The following MNAT1 variants were observed in gnomAD, a reference collection of about 807,000 sequenced individuals.
The protein encoded by MNAT1 is MNAT1 component of CDK activating kinase, also known as CDK-activating kinase assembly factor MAT1.
MNAT1 carries 43 observed loss-of-function variants against 42.0 expected under a neutral mutation model. The ratio of observed to expected loss-of-function variants is 1.02; its 90% confidence interval spans 0.80 to 1.32. The LOEUF (loss-of-function observed/expected upper bound fraction) is 1.32. Ranked by LOEUF, MNAT1 falls within the 40% of genes most tolerant of loss-of-function variation. The pLI, the probability that MNAT1 is intolerant of heterozygous loss-of-function variation, is 0.00. For synonymous variants in MNAT1, 118 were observed against 120.0 expected (o/e 0.98, Z 0.11); for missense variants, 306 against 350.4 (o/e 0.87, Z 1.01).
chr14:60,820,268 T>C (rs1056989066), intron 6 of MNAT1, among the ~76,000 whole-genome samples: 5 of 152,074 alleles, frequency 3.3e-5, no homozygotes, highest in African/African-American at 1.2e-4. Context: ...ATGATGAGTA[T>C]GCAAGAACGA....
intron 1 of MNAT1, among the ~76,000 whole-genome samples, chr14:60,762,111 C>T (rs901209742): frequency 6.6e-6 from 1 of 152,096 alleles, no homozygotes; most frequent in African/African-American, 2.4e-5. Context: ...CCTATTACAT[C>T]AATCATCTGC....
At chr14:60,749,854 G>T (rs1350225947) in intron 1 of MNAT1, among the ~76,000 whole-genome samples, 1 of 152,152 alleles carries the variant, frequency 6.6e-6, no homozygotes, top group Non-Finnish European at 1.5e-5. Context: ...GGTTTCAAAT[G>T]TGTTAAGCCT....
chr14:60,905,221 C>T (rs1308608427), intron 7 of MNAT1, among the ~76,000 whole-genome samples: 1 of 151,694 alleles, frequency 6.6e-6, no homozygotes, highest in Non-Finnish European at 1.5e-5. Flanking sequence ...GTAATAAAAC[C>T]AACAATAACA....
intron 6 of MNAT1, among the ~76,000 whole-genome samples, chr14:60,863,081 CAAAG>C (rs1392771764): frequency 1.3e-5 from 2 of 151,986 alleles, no homozygotes; most frequent in Non-Finnish European, 2.9e-5. Context: ...ACAACAACAA[CAAAG>C]AAAATGCAGT....
rs1248538971 is a variant in MNAT1, at chr14:60,869,246, G to A, written c.688-10468G>A. 2.0e-4 allele frequency among the ~76,000 whole-genome samples: 29 copies of A among 144,620 alleles called. No individual in the cohort carries two copies. In the East Asian group the frequency reaches 3.6e-3, roughly 18 times the overall value. 94.9% of individuals were successfully genotyped at this position (144,620 alleles called of 152,430 possible). ...AATAGAGACGGGGTTTCACCATGTT[G>A]CCCAGGCTGGTCTCAAACTGCTGAG... On this transcript the variant is annotated intron_variant, in intron 6 of 7. Transcript: ENST00000261245.
chr14:60,804,581 A>AGTG (rs1203509367), intron 3 of MNAT1, among the ~76,000 whole-genome samples: 3 of 152,152 alleles, frequency 2.0e-5, no homozygotes, highest in Admixed American at 2.0e-4. Flanking sequence ...GCTAAAGTGC[A>AGTG]GTGGTACTAT....
At chr14:60,950,887 G>T (rs1336750357) in intron 7 of MNAT1, among the ~76,000 whole-genome samples, 1 of 152,094 alleles carries the variant, frequency 6.6e-6, no homozygotes, top group Non-Finnish European at 1.5e-5. Context: ...TGTATTTTCT[G>T]ATTAGAAGTT....
At chr14:60,742,661 C>T (rs1261108525) in intron 1 of MNAT1, among the ~76,000 whole-genome samples, 1 of 152,162 alleles carries the variant, frequency 6.6e-6, no homozygotes, top group African/African-American at 2.4e-5. Flanking sequence ...TCAACTCCCC[C>T]CTCCCATAGC....
chr14:60,914,464 C>G (rs183563552), intron 7 of MNAT1, among the ~76,000 whole-genome samples: 1 of 152,214 alleles, frequency 6.6e-6, no homozygotes, highest in East Asian at 1.9e-4. Context: ...GCCATCTTGG[C>G]TCCCCAGCTT....
At chr14:60,905,098 C>T (rs551221331) in intron 7 of MNAT1, among the ~76,000 whole-genome samples, 2 of 149,262 alleles carry the variant, frequency 1.3e-5, no homozygotes, top group Admixed American at 1.4e-4. Flanking sequence ...TGTCGGTTAG[C>T]AAATAGTTAT....
intron 6 of MNAT1, among the ~76,000 whole-genome samples, chr14:60,820,111 A>G (rs920975777): frequency 6.6e-6 from 1 of 152,144 alleles, no homozygotes; most frequent in Admixed American, 6.6e-5. Flanking sequence ...TTTCAAAGTC[A>G]GTGTTAATGA....
intron 4 of MNAT1, chr14:60,809,040 G>A (rs992123131): frequency 1.4e-4 from 22 of 151,926 alleles, no homozygotes; most frequent in Non-Finnish European, 3.1e-4. Context: ...AATATCTCAG[G>A]AGTCATTATT....
At chr14:60,838,761 T>C (rs1369608764) in intron 6 of MNAT1, among the ~76,000 whole-genome samples, 2 of 151,800 alleles carry the variant, frequency 1.3e-5, no homozygotes, top group Admixed American at 1.3e-4. Context: ...CTCTCGGGGG[T>C]CTGGGAAGCC....
At chr14:60,809,113 CTAATT>C (rs2032465699) in intron 4 of MNAT1, 1 of 152,028 alleles carries the variant, frequency 6.6e-6, no homozygotes, top group African/African-American at 2.4e-5. Context: ...GAGCAATTGT[CTAATT>C]TATACACTTT....
intron 1 of MNAT1, among the ~76,000 whole-genome samples, chr14:60,791,732 C>A (rs1270046350): frequency 6.6e-6 from 1 of 152,024 alleles, no homozygotes. Flanking sequence ...AGATTGTATA[C>A]CCCTTCTATC....
intron 6 of MNAT1, among the ~76,000 whole-genome samples, chr14:60,860,589 G>A (rs543812640): frequency 2.6e-5 from 4 of 151,922 alleles, no homozygotes; most frequent in South Asian, 2.1e-4. Flanking sequence ...TCCTGACCTC[G>A]TGATCCGCCC....
At chr14:60,896,776 G>A (rs2034966987) in intron 7 of MNAT1, among the ~76,000 whole-genome samples, 1 of 151,992 alleles carries the variant, frequency 6.6e-6, no homozygotes, top group African/African-American at 2.4e-5. Flanking sequence ...ATGAGCCACC[G>A]CGCCTGGCCA....
At chr14:60,960,285 G>A (rs747721998) in intron 7 of MNAT1, among the ~76,000 whole-genome samples, 2 of 152,114 alleles carry the variant, frequency 1.3e-5, no homozygotes, top group Non-Finnish European at 2.9e-5. Flanking sequence ...GGGATAGCAG[G>A]GGATAGCTGC....
chr14:60,935,720 A>C (rs1352253234), intron 7 of MNAT1, among the ~76,000 whole-genome samples: 1 of 152,156 alleles, frequency 6.6e-6, no homozygotes, highest in East Asian at 1.9e-4. Context: ...AGAAATCAGA[A>C]AGCAATAGAT....
Sources: gnomAD v4.1 joint callset for allele counts (sites outside exome capture counted in the v4.1 genomes callset) on GRCh38, gnomAD v4.1.1 for gene constraint, MANE v1.5 for transcripts, NCBI Gene and HGNC (gene_info 2026-07-23, HGNC 2026-07-21) for gene names.